The following PTPRT variants were observed in gnomAD, a reference collection of about 807,000 sequenced individuals.
PTPRT encodes the protein protein tyrosine phosphatase receptor type T.
In PTPRT, 56 loss-of-function variants were observed where a neutral mutation model predicts 176.8. The ratio of observed to expected loss-of-function variants is 0.32; its 90% CI spans 0.26 to 0.40. The LOEUF is 0.40. PTPRT is among the 10% of genes least tolerant of loss of function. PTPRT has a pLI of 1.00. For synonymous variants in PTPRT, 783 were observed against 739.0 expected (o/e 1.06, Z -0.96); for missense variants, 1,540 against 1,908.2 (o/e 0.81, Z 3.60).
chr20:42,786,043 A>ATC (rs2077284990), intron 3 of PTPRT, among the ~76,000 whole-genome samples: 1 of 152,144 alleles, frequency 6.6e-6, no homozygotes, highest in Non-Finnish European at 1.5e-5. Context: ...TTATCACAAG[A>ATC]TCTGATGGTT....
intron 14 of PTPRT, among the ~76,000 whole-genome samples, chr20:42,242,341 A>T (rs1002504760): frequency 6.6e-6 from 1 of 152,322 alleles, no homozygotes; most frequent in East Asian, 1.9e-4. Flanking sequence ...CTCCCATTCA[A>T]CATGTTTTTA....
intron 1 of PTPRT, among the ~76,000 whole-genome samples, chr20:42,925,341 A>G (rs1406845499): frequency 6.6e-6 from 1 of 152,246 alleles, no homozygotes; most frequent in East Asian, 1.9e-4. Context: ...CAAAATTAAC[A>G]AAAACAAAAA....
At chr20:42,904,050 C>CA (rs996209484) in intron 1 of PTPRT, among the ~76,000 whole-genome samples, 5 of 152,184 alleles carry the variant, frequency 3.3e-5, no homozygotes, top group Admixed American at 6.5e-5. Flanking sequence ...GGTTCCTAAG[C>CA]AAAAAAACAG....
chr20:42,696,598 G>A (rs113504017), intron 6 of PTPRT, among the ~76,000 whole-genome samples: 42 of 152,022 alleles, frequency 2.8e-4, no homozygotes, highest in African/African-American at 9.6e-4. Context: ...TGGGACTACA[G>A]GCACCTGCTA....
chr20:42,176,132 G>A (rs142334199), intron 16 of PTPRT, among the ~76,000 whole-genome samples: 8 of 152,184 alleles, frequency 5.3e-5, no homozygotes, highest in Non-Finnish European at 7.4e-5. Context: ...TTGTTTACTC[G>A]TGTATCTCCA....
At chr20:42,130,965 A>G (rs1472538082) in intron 18 of PTPRT, among the ~76,000 whole-genome samples, 2 of 152,238 alleles carry the variant, frequency 1.3e-5, no homozygotes, top group Non-Finnish European at 2.9e-5. Flanking sequence ...ATGATATGGT[A>G]TTATGAGTCT....
At chr20:43,149,088 C>T (rs1232145382) in intron 1 of PTPRT, among the ~76,000 whole-genome samples, 2 of 152,042 alleles carry the variant, frequency 1.3e-5, no homozygotes, top group South Asian at 2.1e-4. Context: ...ACATATATTA[C>T]CAATATAATT....
chr20:42,233,322 T>A (rs1456476344), intron 15 of PTPRT, among the ~76,000 whole-genome samples: 2 of 152,348 alleles, frequency 1.3e-5, no homozygotes, highest in South Asian at 2.1e-4. Context: ...CATATGCATA[T>A]GACTCACATG....
the PTPRT span, among the ~76,000 whole-genome samples, chr20:42,038,913 A>G: frequency 6.6e-6 from 1 of 152,156 alleles, no homozygotes; most frequent in Admixed American, 6.5e-5. Flanking sequence ...ATTATTAGGA[A>G]GGCACTTCCC....
chr20:42,722,571 C>G (rs1486570079), intron 6 of PTPRT, among the ~76,000 whole-genome samples: 1 of 152,176 alleles, frequency 6.6e-6, no homozygotes, highest in Non-Finnish European at 1.5e-5. Context: ...CCGTCTCTGT[C>G]CTTTCTGAGA....
At chr20:42,737,563 C>T (rs1041916558) in intron 6 of PTPRT, among the ~76,000 whole-genome samples, 3 of 151,060 alleles carry the variant, frequency 2.0e-5, no homozygotes, top group African/African-American at 4.9e-5. Context: ...ACCCGGGAGA[C>T]GGAGGTTGCA....
At chr20:42,559,418 G>A (rs2072913578) in intron 7 of PTPRT, among the ~76,000 whole-genome samples, 1 of 152,160 alleles carries the variant, frequency 6.6e-6, no homozygotes, top group South Asian at 2.1e-4. Context: ...GCACCCACTA[G>A]GTGAGCAGCA....
intron 26 of PTPRT, among the ~76,000 whole-genome samples, chr20:42,101,610 T>G (rs1381093993): frequency 1.3e-5 from 2 of 152,160 alleles, no homozygotes; most frequent in African/African-American, 4.8e-5. Context: ...ATGCTTGTTT[T>G]ACTGCTTCCC....
intron 13 of PTPRT, among the ~76,000 whole-genome samples, chr20:42,274,097 G>C (rs575479306): frequency 6.6e-6 from 1 of 152,342 alleles, no homozygotes; most frequent in South Asian, 2.1e-4. Flanking sequence ...TACATATATG[G>C]TTCTAGAGAT....
At chr20:42,158,058 A>G (rs1989438087) in intron 17 of PTPRT, among the ~76,000 whole-genome samples, 1 of 152,234 alleles carries the variant, frequency 6.6e-6, no homozygotes, top group Non-Finnish European at 1.5e-5. Flanking sequence ...AACACTGTGT[A>G]GAAGAAACAG....
intron 1 of PTPRT, among the ~76,000 whole-genome samples, chr20:43,021,097 A>T (rs1906578613): frequency 6.6e-6 from 1 of 152,220 alleles, no homozygotes; most frequent in Non-Finnish European, 1.5e-5. Context: ...ATATTAAATT[A>T]TCATGTGTAT....
chr20:42,172,797 GA>G (rs1990133014), intron 16 of PTPRT, among the ~76,000 whole-genome samples: 1 of 147,090 alleles, frequency 6.8e-6, no homozygotes, highest in Non-Finnish European at 1.5e-5. Context: ...TCAAGATGCA[GA>G]AATGGTTACA....
chr20:42,947,205 G>C (rs988892626), intron 1 of PTPRT, among the ~76,000 whole-genome samples: 1 of 152,204 alleles, frequency 6.6e-6, no homozygotes, highest in Non-Finnish European at 1.5e-5. Context: ...CAGGCAGCTG[G>C]CATGATGGGA....
chr20:42,888,316 A>C (rs1319590557), intron 1 of PTPRT, among the ~76,000 whole-genome samples: 2 of 150,784 alleles, frequency 1.3e-5, no homozygotes, highest in Non-Finnish European at 2.9e-5. Flanking sequence ...CCTGACTAAT[A>C]TATAAAGTGT....
Sources: gnomAD v4.1 joint callset for allele counts (sites outside exome capture counted in the v4.1 genomes callset) on GRCh38, gnomAD v4.1.1 for gene constraint, MANE v1.5 for transcripts, NCBI Gene and HGNC (gene_info 2026-07-23, HGNC 2026-07-21) for gene names.